The following DHRSX variants were observed in gnomAD, a reference collection of about 807,000 sequenced individuals.
DHRSX encodes the protein polyprenol dehydrogenase.
In DHRSX, 31 loss-of-function variants were observed where a neutral mutation model predicts 34.0. That is an observed-to-expected ratio of 0.91 (90% CI 0.69 to 1.23). The LOEUF is 1.23. Among genes scored for constraint, DHRSX ranks in the 50% most tolerant of loss-of-function variants. DHRSX has a pLI of 0.00. For synonymous variants in DHRSX, 201 were observed against 183.8 expected (o/e 1.09, Z -0.76); for missense variants, 414 against 428.1 (o/e 0.97, Z 0.29).
chrX:2,364,426 C>G (rs2042974798), intron 3 of DHRSX, among the ~76,000 whole-genome samples: 1 of 152,166 alleles, frequency 6.6e-6, no homozygotes, highest in South Asian at 2.1e-4. Context: ...CCAAGGTTGA[C>G]AAAGCCTGCC....
chrX:2,493,102 G>A (rs2045198065), intron 1 of DHRSX, among the ~76,000 whole-genome samples: 1 of 152,236 alleles, frequency 6.6e-6, no homozygotes, highest in Non-Finnish European at 1.5e-5. Flanking sequence ...GGGGGGTCCT[G>A]TGGCCAATGC....
At chrX:2,427,557 G>A (rs2043865528) in intron 1 of DHRSX, among the ~76,000 whole-genome samples, 1 of 152,146 alleles carries the variant, frequency 6.6e-6, no homozygotes. Flanking sequence ...GGCCACAGGG[G>A]TGCTGGTGGG....
intron 3 of DHRSX, among the ~76,000 whole-genome samples, chrX:2,321,267 C>T (rs2042307724): frequency 6.6e-6 from 1 of 152,166 alleles, no homozygotes; most frequent in African/African-American, 2.4e-5. Context: ...CAGAACCCGG[C>T]TCCATTGCAG....
chrX:2,252,345 C>T lies in DHRSX; in HGVS notation c.597-9115G>A, dbSNP rs745841892. On this transcript the variant is annotated intron_variant, in intron 5 of 6. Coordinates refer to ENST00000334651, the MANE Select transcript of DHRSX (RefSeq NM_145177.3). ...CTCTGATCCAAGATAAACTGTAAAC[C>T]TCCAATTACTGTCAAGATATCTTTT... Among the ~76,000 whole-genome samples the T allele has an allele frequency of 5.9e-5, 9 of 152,224 alleles. No homozygotes were observed. The South Asian group carries it at 1.9e-3, about 32-fold the overall frequency.
At chrX:2,324,666 C>T (rs2042355100) in intron 3 of DHRSX, among the ~76,000 whole-genome samples, 1 of 152,124 alleles carries the variant, frequency 6.6e-6, no homozygotes, top group South Asian at 2.1e-4. Flanking sequence ...TAGTACTCCA[C>T]CCAACAGGCA....
chrX:2,233,739 G>A (rs1193996878), intron 6 of DHRSX, among the ~76,000 whole-genome samples: 3 of 152,038 alleles, frequency 2.0e-5, no homozygotes, highest in East Asian at 1.9e-4. Context: ...GACATGGGCA[G>A]TGGGTGGATG....
At chrX:2,406,687 C>T (rs1224299846) in intron 3 of DHRSX, among the ~76,000 whole-genome samples, 15 of 152,022 alleles carry the variant, frequency 9.9e-5, no homozygotes, top group African/African-American at 1.7e-4. Context: ...GTGATCCACC[C>T]GCCTCGGCCT....
chrX:2,242,246 GC>G (rs1207983246), intron 6 of DHRSX, among the ~76,000 whole-genome samples: 2 of 151,966 alleles, frequency 1.3e-5, no homozygotes, highest in African/African-American at 4.8e-5. Context: ...TTTTCCCTTG[GC>G]CCCTACCACA....
chrX:2,444,943 G>A (rs1193001424), intron 1 of DHRSX, among the ~76,000 whole-genome samples: 3 of 152,188 alleles, frequency 2.0e-5, no homozygotes. Flanking sequence ...GATCACCTGA[G>A]GTCAGGAGTT....
chrX:2,416,128 T>A (rs2043690144), intron 2 of DHRSX, among the ~76,000 whole-genome samples: 1 of 151,948 alleles, frequency 6.6e-6, no homozygotes, highest in East Asian at 1.9e-4. Flanking sequence ...CTGACCCAAC[T>A]AGATCTCGTC....
At chrX:2,451,664 G>A (rs927622321) in intron 1 of DHRSX, among the ~76,000 whole-genome samples, 3 of 152,286 alleles carry the variant, frequency 2.0e-5, no homozygotes, top group African/African-American at 7.2e-5. Context: ...ACTGTGCCTG[G>A]GACAGGCGGT....
intron 1 of DHRSX, among the ~76,000 whole-genome samples, chrX:2,468,422 C>A (rs1163261685): frequency 1.3e-5 from 2 of 150,024 alleles, no homozygotes; most frequent in African/African-American, 4.9e-5. Context: ...GAAACGGATA[C>A]CACATAAGAG....
chrX:2,331,596 C>T (rs1422697045), intron 3 of DHRSX, among the ~76,000 whole-genome samples: 8 of 151,502 alleles, frequency 5.3e-5, no homozygotes, highest in Non-Finnish European at 1.2e-4. Flanking sequence ...TACAGGTGCC[C>T]GCCACCATGC....
At chrX:2,373,479 C>A in intron 3 of DHRSX, among the ~76,000 whole-genome samples, 1 of 152,254 alleles carries the variant, frequency 6.6e-6, no homozygotes. Flanking sequence ...ATTCTCCCCA[C>A]GCCAGAATTA....
In DHRSX at chrX:2,351,967, G is replaced by A. The variant is rs184003771; in HGVS notation, c.286+56778C>T. ...ACTCCTGACCTCAGGTGATCCACCC[G>A]CCTCGGCCTCCCAAAGTGCTGGGGT... On this transcript the variant is annotated intron_variant, in intron 3 of 6. Coordinates refer to ENST00000334651, the MANE Select transcript of DHRSX (RefSeq NM_145177.3). Among the ~76,000 whole-genome samples the A allele has an allele frequency of 4.4e-4, 67 of 152,198 alleles. 2 individuals carry two copies. The East Asian group carries it at 9.7e-3, about 22-fold the overall frequency.
chrX:2,337,617 T>A (rs2042585225), intron 3 of DHRSX, among the ~76,000 whole-genome samples: 1 of 152,028 alleles, frequency 6.6e-6, no homozygotes, highest in Non-Finnish European at 1.5e-5. Flanking sequence ...CGAGAAAAGG[T>A]GCACCTCTTA....
chrX:2,293,669 C>G (rs2041894110), intron 3 of DHRSX, among the ~76,000 whole-genome samples: 1 of 152,146 alleles, frequency 6.6e-6, no homozygotes, highest in Non-Finnish European at 1.5e-5. Flanking sequence ...GAGAAGAGAA[C>G]AGCCTTGATC....
At chrX:2,429,975 T>C (rs1163675016) in intron 1 of DHRSX, among the ~76,000 whole-genome samples, 2 of 152,006 alleles carry the variant, frequency 1.3e-5, no homozygotes, top group African/African-American at 4.8e-5. Flanking sequence ...ACACAAACAA[T>C]TGGCAGGTTA....
At chrX:2,321,422 T>C (rs1388482797) in intron 3 of DHRSX, among the ~76,000 whole-genome samples, 2 of 152,140 alleles carry the variant, frequency 1.3e-5, no homozygotes, top group Non-Finnish European at 1.5e-5. Context: ...CCGAATCTCA[T>C]GTGTGGAAAC....
Sources: allele counts gnomAD v4.1 joint callset (sites outside exome capture counted in the v4.1 genomes callset), GRCh38; gene constraint gnomAD v4.1.1; transcripts MANE v1.5; gene names NCBI Gene and HGNC (gene_info 2026-07-23, HGNC 2026-07-21).